ATG5: variants seen among roughly 807,000 people sequenced by gnomAD.
ATG5 encodes autophagy related 5, also known as autophagy protein 5.
Under a neutral mutation model 36.5 loss-of-function variants are expected in ATG5, and 14 were observed. The observed-to-expected ratio is 0.38, with a 90% CI of 0.25 to 0.60. ATG5 has a LOEUF of 0.60. Among genes scored for constraint, ATG5 ranks in the 20% least tolerant of loss-of-function variants. The pLI is 0.60. For synonymous variants in ATG5, 95 were observed against 101.5 expected, an observed-to-expected ratio of 0.94 and a Z score of 0.38; for missense variants, 195 against 326.7, an observed-to-expected ratio of 0.60 and a Z score of 3.11.
At chr6:106,267,818 C>T (rs367853722) in intron 5 of ATG5, among the ~76,000 whole-genome samples, 11 of 152,296 alleles carry the variant, frequency 7.2e-5, no homozygotes, top group East Asian at 3.9e-4. Context: ...CTATTCCTTA[C>T]ACCTTATACA....
At chr6:106,194,222 G>A (rs780377908) in intron 7 of ATG5, among the ~76,000 whole-genome samples, 8 of 152,114 alleles carry the variant, frequency 5.3e-5, no homozygotes, top group Admixed American at 1.3e-4. Flanking sequence ...TTGGGAATTG[G>A]AGTTTTTTTT....
intron 7 of ATG5, among the ~76,000 whole-genome samples, chr6:106,196,152 A>G (rs1182732064): frequency 6.6e-6 from 1 of 152,174 alleles, no homozygotes; most frequent in African/African-American, 2.4e-5. Flanking sequence ...AACAAAATAA[A>G]AACAGTAGAC....
chr6:106,229,568 A>C (rs907703089), intron 6 of ATG5, among the ~76,000 whole-genome samples: 9 of 150,482 alleles, frequency 6.0e-5, no homozygotes, highest in South Asian at 2.1e-4. Context: ...GTAAAAAAAA[A>C]CAGTGTGCCC....
intron 5 of ATG5, among the ~76,000 whole-genome samples, chr6:106,254,248 T>C (rs73778106): frequency 0.024 from 3,605 of 152,274 alleles, 55 homozygotes; most frequent in African/African-American, 0.046. Context: ...AGTCCCACTT[T>C]CCAATCATTC....
At chr6:106,217,918 AT>A (rs2114415848) in intron 6 of ATG5, among the ~76,000 whole-genome samples, 1 of 152,336 alleles carries the variant, frequency 6.6e-6, no homozygotes, top group African/African-American at 2.4e-5. Flanking sequence ...ATCAAGTCAA[AT>A]TATATGCTTA....
At chr6:106,260,961 T>C (rs1778995875) in intron 5 of ATG5, among the ~76,000 whole-genome samples, 1 of 152,190 alleles carries the variant, frequency 6.6e-6, no homozygotes, top group African/African-American at 2.4e-5. Flanking sequence ...GGCTTTTGTT[T>C]AAAAGCATGT....
At chr6:106,260,986 C>G (rs901991401) in intron 5 of ATG5, among the ~76,000 whole-genome samples, 3 of 151,960 alleles carry the variant, frequency 2.0e-5, no homozygotes, top group Non-Finnish European at 2.9e-5. Context: ...CCTGGAAATG[C>G]GTAATACATG....
chr6:106,193,244 C>A (rs936568691), intron 7 of ATG5, among the ~76,000 whole-genome samples: 2 of 152,182 alleles, frequency 1.3e-5, no homozygotes, highest in Admixed American at 6.5e-5. Context: ...ACATTAACTT[C>A]TTCCGGATGC....
At chr6:106,248,865 G>C (rs938795764) in intron 5 of ATG5, among the ~76,000 whole-genome samples, 1 of 152,144 alleles carries the variant, frequency 6.6e-6, no homozygotes, top group Admixed American at 6.5e-5. Context: ...TTGAACCTGG[G>C]AGACAGAGGT....
chr6:106,229,384 G>A (rs1777578372), intron 6 of ATG5, among the ~76,000 whole-genome samples: 1 of 152,024 alleles, frequency 6.6e-6, no homozygotes, highest in Non-Finnish European at 1.5e-5. Context: ...GAGAGACAGA[G>A]AGAAAGAGAC....
rs533853719 is a variant in ATG5 at position 106,242,073 on chromosome 6, C to T, written c.573+6077G>A. Among the ~76,000 whole-genome samples, 11 of 152,124 alleles carry T rather than the reference C, an allele frequency of 7.2e-5. No homozygotes were observed. The South Asian group carries it at 2.1e-3, about 29-fold the overall frequency. On this transcript the variant is annotated intron_variant, in intron 6 of 7. Coordinates refer to ENST00000369076, the MANE Select transcript of ATG5 (RefSeq NM_004849.4). Reference sequence around the variant, plus strand: ...AGAAGCAAAATGTGGTATGTATATACAATGGAATATTATTAAGCCTTTAAA... The same window carrying T: ...AGAAGCAAAATGTGGTATGTATATATAATGGAATATTATTAAGCCTTTAAA...
intron 3 of ATG5, among the ~76,000 whole-genome samples, chr6:106,296,488 G>C (rs1482364080): frequency 1.3e-5 from 2 of 152,156 alleles, no homozygotes; most frequent in Admixed American, 1.3e-4. Flanking sequence ...CTTATGTGTT[G>C]CCTAAAGTAT....
intron 6 of ATG5, among the ~76,000 whole-genome samples, chr6:106,228,760 C>T (rs1777546958): frequency 6.6e-6 from 1 of 152,172 alleles, no homozygotes; most frequent in Non-Finnish European, 1.5e-5. Context: ...AAATACTGGG[C>T]ACCTGTCGGC....
intron 6 of ATG5, among the ~76,000 whole-genome samples, chr6:106,206,073 A>G (rs1347304579): frequency 6.6e-6 from 1 of 152,226 alleles, no homozygotes; most frequent in Non-Finnish European, 1.5e-5. Flanking sequence ...AGTTACTTCT[A>G]TCATCTGAAT....
At chr6:106,323,651 A>G (rs1267684049) in intron 1 of ATG5, among the ~76,000 whole-genome samples, 1 of 152,048 alleles carries the variant, frequency 6.6e-6, no homozygotes, top group African/African-American at 2.4e-5. Flanking sequence ...TACCGCCACT[A>G]TTACTACCCT....
intron 3 of ATG5, among the ~76,000 whole-genome samples, chr6:106,303,413 T>C (rs1770294064): frequency 2.0e-5 from 3 of 152,010 alleles, no homozygotes; most frequent in South Asian, 4.1e-4. Flanking sequence ...AGAAATTGAA[T>C]TGGTAATTAA....
chr6:106,266,050 A>G (rs1212507634), intron 5 of ATG5, among the ~76,000 whole-genome samples: 1 of 152,158 alleles, frequency 6.6e-6, no homozygotes. Flanking sequence ...AAAAAAATCA[A>G]TGAATCCAGC....
chr6:106,192,516 A>C (rs1776002736), intron 7 of ATG5, among the ~76,000 whole-genome samples: 1 of 152,186 alleles, frequency 6.6e-6, no homozygotes, highest in African/African-American at 2.4e-5. Context: ...TATTTAAAGG[A>C]GGCTTAAAGA....
intron 6 of ATG5, among the ~76,000 whole-genome samples, chr6:106,227,115 A>C (rs1777481247): frequency 6.6e-6 from 1 of 152,194 alleles, no homozygotes; most frequent in South Asian, 2.1e-4. Context: ...AAACAAACTA[A>C]AAAGAATAAA....
Sources: gnomAD v4.1 joint callset for allele counts (sites outside exome capture counted in the v4.1 genomes callset) on GRCh38, gnomAD v4.1.1 for gene constraint, MANE v1.5 for transcripts, NCBI Gene and HGNC (gene_info 2026-07-23, HGNC 2026-07-21) for gene names.